Variants in DLG2 observed in about 807,000 individuals in gnomAD.
DLG2 encodes discs large MAGUK scaffold protein 2.
DLG2 carries 45 observed loss-of-function variants against 132.5 expected under a neutral mutation model. That is an observed-to-expected ratio of 0.34 (90% CI 0.27 to 0.44). The LOEUF (loss-of-function observed/expected upper bound fraction) is 0.44, where lower values mean the gene tolerates loss of function less well. Ranked by LOEUF, DLG2 falls within the 20% of genes least tolerant of loss-of-function variation. The probability of loss-of-function intolerance (pLI) is 1.00; values close to 1 mark genes in which losing one functional copy is unlikely to be tolerated. For synonymous variants in DLG2, 424 were observed against 419.6 expected (o/e 1.01, Z -0.13); for missense variants, 1,045 against 1,196.9 (o/e 0.87, Z 1.87).
At chr11:83,783,989 T>G (rs1236644001) in intron 18 of DLG2, among the ~76,000 whole-genome samples, 1 of 152,210 alleles carries the variant, frequency 6.6e-6, no homozygotes, top group African/African-American at 2.4e-5. Context: ...TGCTTATTAC[T>G]TAAGGTTAGG....
At chr11:84,923,325 T>G in intron 6 of DLG2, 2 of 1,355,610 alleles carry the variant, frequency 1.5e-6, no homozygotes, top group Non-Finnish European at 1.9e-6. Flanking sequence ...TGGCTATATA[T>G]AGCATTATGC....
intron 6 of DLG2, among the ~76,000 whole-genome samples, chr11:85,068,820 C>T (rs1206546922): frequency 6.6e-6 from 1 of 152,012 alleles, no homozygotes; most frequent in Non-Finnish European, 1.5e-5. Context: ...TCATATGGAA[C>T]CAAAAAAGAG....
chr11:83,807,054 A>G (rs2046093568), intron 17 of DLG2, among the ~76,000 whole-genome samples: 1 of 152,176 alleles, frequency 6.6e-6, no homozygotes, highest in African/African-American at 2.4e-5. Flanking sequence ...GATTTCAAAA[A>G]ATGCTTCTAG....
chr11:85,026,653 C>T lies in DLG2; in HGVS notation c.357+85008G>A, dbSNP rs572285398. On this transcript the variant is annotated intron_variant, in intron 6 of 27. Transcript: ENST00000376104. ...GAGATCGAGACCATCCTGGCTAACA[C>T]GGTGAAACCCCATCTCTACTAAAAA... Among the ~76,000 whole-genome samples the T allele has an allele frequency of 1.4e-4, 22 of 152,014 alleles. No individual in the cohort carries two copies. The East Asian group carries it at 2.3e-3, about 16-fold the overall frequency.
intron 15 of DLG2, among the ~76,000 whole-genome samples, chr11:83,883,714 C>G (rs1288922793): frequency 6.6e-6 from 1 of 151,792 alleles, no homozygotes; most frequent in South Asian, 2.1e-4. Flanking sequence ...TTTTGGGTGG[C>G]TAGCTATACA....
intron 3 of DLG2, among the ~76,000 whole-genome samples, chr11:85,399,097 T>G (rs1278598035): frequency 6.6e-6 from 1 of 152,096 alleles, no homozygotes; most frequent in Non-Finnish European, 1.5e-5. Flanking sequence ...GGATACAAAA[T>G]CAATGTGCAA....
At chr11:84,377,946 C>T (rs114862929) in intron 7 of DLG2, among the ~76,000 whole-genome samples, 2,177 of 152,262 alleles carry the variant, frequency 0.014, 51 homozygotes, top group African/African-American at 0.05. Context: ...GCCTAGGGCT[C>T]ACACAAGTTG....
intron 9 of DLG2, among the ~76,000 whole-genome samples, chr11:84,112,978 A>T (rs1483457212): frequency 6.6e-6 from 1 of 152,212 alleles, no homozygotes; most frequent in East Asian, 1.9e-4. Context: ...AGTAGTACTC[A>T]AAATATCTTC....
At chr11:85,515,505 A>C (rs1023761711) in intron 3 of DLG2, among the ~76,000 whole-genome samples, 1 of 152,084 alleles carries the variant, frequency 6.6e-6, no homozygotes, top group Non-Finnish European at 1.5e-5. Context: ...TGATTTCTTC[A>C]GCTGAAAATT....
At chr11:84,669,263 A>G (rs1437255023) in intron 6 of DLG2, among the ~76,000 whole-genome samples, 1 of 152,100 alleles carries the variant, frequency 6.6e-6, no homozygotes, top group African/African-American at 2.4e-5. Flanking sequence ...TGTATTTGAG[A>G]AATGGCAAGG....
intron 3 of DLG2, among the ~76,000 whole-genome samples, chr11:85,400,510 T>C (rs2087949101): frequency 1.3e-5 from 2 of 149,690 alleles, no homozygotes; most frequent in African/African-American, 2.5e-5. Flanking sequence ...TTATTCACAA[T>C]AGCAAAGACT....
intron 9 of DLG2, among the ~76,000 whole-genome samples, chr11:84,106,813 C>CTGTG (rs71066090): frequency 9.6e-4 from 127 of 132,922 alleles, no homozygotes; most frequent in Middle Eastern, 4.0e-3. Flanking sequence ...AGATTATTAT[C>CTGTG]TGTGTGTGTG....
chr11:83,747,925 T>C (rs958977935), intron 18 of DLG2, among the ~76,000 whole-genome samples: 1 of 152,190 alleles, frequency 6.6e-6, no homozygotes, highest in Non-Finnish European at 1.5e-5. Context: ...TACTAACTCC[T>C]TGTAATAATC....
intron 18 of DLG2, among the ~76,000 whole-genome samples, chr11:83,744,196 G>A (rs990513609): frequency 1.3e-5 from 2 of 152,142 alleles, no homozygotes; most frequent in African/African-American, 4.8e-5. Context: ...CTTCTCTCTA[G>A]ATTTCAAGTA....
intron 3 of DLG2, chr11:85,469,663 G>T (rs1261776057): frequency 6.6e-6 from 1 of 152,184 alleles, no homozygotes; most frequent in East Asian, 1.9e-4. Context: ...TCGCATACAA[G>T]GTTTGTAGTT....
chr11:84,219,065 C>T (rs1163878116), intron 8 of DLG2, among the ~76,000 whole-genome samples: 1 of 152,186 alleles, frequency 6.6e-6, no homozygotes, highest in Non-Finnish European at 1.5e-5. Context: ...CATAATCAAT[C>T]CTGTAAATAC....
At chr11:85,177,280 T>TATAC (rs1214037612) in intron 4 of DLG2, among the ~76,000 whole-genome samples, 1 of 138,084 alleles carries the variant, frequency 7.2e-6, no homozygotes, top group African/African-American at 2.9e-5. Context: ...TATATATATA[T>TATAC]ACATATACAC....
intron 11 of DLG2, among the ~76,000 whole-genome samples, chr11:84,033,271 G>A (rs542956431): frequency 3.4e-4 from 51 of 152,198 alleles, no homozygotes; most frequent in African/African-American, 1.1e-3. Context: ...CATGGGAGGC[G>A]GTCAAAGTCT....
intron 6 of DLG2, among the ~76,000 whole-genome samples, chr11:84,740,836 T>G (rs889358269): frequency 6.6e-6 from 1 of 152,092 alleles, no homozygotes; most frequent in Non-Finnish European, 1.5e-5. Flanking sequence ...GAGAGGTTCT[T>G]GAGCCACTGA....
Sources: allele counts gnomAD v4.1 joint callset (sites outside exome capture counted in the v4.1 genomes callset), GRCh38; gene constraint gnomAD v4.1.1; transcripts MANE v1.5; gene names NCBI Gene and HGNC (gene_info 2026-07-23, HGNC 2026-07-21).